Variants in PCDHA12 observed in about 807,000 individuals in gnomAD.
PCDHA12 encodes the protein protocadherin alpha 12.
Under a neutral mutation model 60.0 loss-of-function variants are expected in PCDHA12, and 44 were observed. The observed-to-expected ratio is 0.73, with a 90% CI of 0.58 to 0.94. The LOEUF is 0.94. PCDHA12 is among the 40% of genes least tolerant of loss of function. The pLI, the probability that PCDHA12 is intolerant of heterozygous loss-of-function variation, is 0.00. For synonymous variants in PCDHA12, 569 were observed against 553.0 expected (o/e 1.03, Z -0.40); for missense variants, 1,276 against 1,239.7 (o/e 1.03, Z -0.44).
chr5:140,909,719 C>T (rs2074652522), intron 1 of PCDHA12, among the ~76,000 whole-genome samples: 1 of 152,130 alleles, frequency 6.6e-6, no homozygotes, highest in Non-Finnish European at 1.5e-5. Flanking sequence ...ATACCTATGC[C>T]AATTATGCAT....
At chr5:140,968,141 A>G in intron 1 of PCDHA12, 1 of 1,614,110 alleles carries the variant, frequency 6.2e-7, no homozygotes, top group Non-Finnish European at 8.5e-7. Context: ...GAAGGTTGAG[A>G]TCTCTGACAT....
At chr5:141,009,439 G>A (rs187486568) in intron 3 of PCDHA12, among the ~76,000 whole-genome samples, 188 bp from the exon 4 acceptor site, 1 of 152,244 alleles carries the variant, frequency 6.6e-6, no homozygotes, top group East Asian at 1.9e-4. Context: ...GGGAAATCCT[G>A]TCTCAAAAAA....
chr5:140,882,668 C>T, intron 1 of PCDHA12: 1 of 1,614,138 alleles, frequency 6.2e-7, no homozygotes, highest in Non-Finnish European at 8.5e-7. Context: ...GCCCATATTC[C>T]CTGAAAGCAA....
chr5:140,898,284 T>C (rs2066636432), intron 1 of PCDHA12, among the ~76,000 whole-genome samples: 1 of 152,254 alleles, frequency 6.6e-6, no homozygotes, highest in South Asian at 2.1e-4. Flanking sequence ...TTCTGAATGG[T>C]AATGCCTAGG....
intron 1 of PCDHA12, chr5:140,928,813 C>T: frequency 6.2e-7 from 1 of 1,614,118 alleles, no homozygotes; most frequent in Non-Finnish European, 8.5e-7. Flanking sequence ...GGTTCGGGAC[C>T]ATGGAGACCC....
intron 1 of PCDHA12, among the ~76,000 whole-genome samples, chr5:140,957,344 G>A (rs994510401): frequency 5.9e-5 from 9 of 152,114 alleles, no homozygotes; most frequent in Non-Finnish European, 1.2e-4. Context: ...TATTTTGAGA[G>A]AGAGACCACA....
In PCDHA12 at chr5:140,877,374, A is replaced by C; in HGVS notation, c.1902A>C (p.Thr634=). ...VGLYTGEIST[T]RILDEADAPR... The stretch of plus-strand genomic sequence containing the variant: ...TGTACACTGGCGAGATCAGCACGAC[A>C]CGCATCCTGGATGAGGCGGACGCTC... The change falls in exon 1 of 4, where the codon ACA becomes ACC. Residue 634 remains threonine, a synonymous_variant. Coordinates refer to ENST00000398631, the MANE Select transcript of PCDHA12 (RefSeq NM_018903.4). 1 of 1,613,970 alleles carries C rather than the reference A, an allele frequency of 6.2e-7. No individual in the cohort carries two copies. The highest frequency in any genetic ancestry group is 8.5e-7 in the Non-Finnish European group (1 of 1,179,890).
intron 1 of PCDHA12, among the ~76,000 whole-genome samples, chr5:140,976,093 A>G (rs782314077): frequency 6.6e-6 from 1 of 152,238 alleles, no homozygotes; most frequent in African/African-American, 2.4e-5. Context: ...TCAGTAGTCA[A>G]CTTTTCAACT....
At chr5:141,006,745 T>C (rs1554260891) in intron 3 of PCDHA12, among the ~76,000 whole-genome samples, 1 of 152,144 alleles carries the variant, frequency 6.6e-6, no homozygotes, top group Non-Finnish European at 1.5e-5. Flanking sequence ...TGATGTATTA[T>C]AAATGGAGAA....
chr5:140,982,741 T>C (rs2097000256), intron 3 of PCDHA12, among the ~76,000 whole-genome samples, 178 bp downstream of exon 3: 1 of 152,164 alleles, frequency 6.6e-6, no homozygotes, highest in Admixed American at 6.6e-5. Flanking sequence ...TACCTAATGC[T>C]CTTCAGGAGT....
intron 1 of PCDHA12, among the ~76,000 whole-genome samples, chr5:140,903,237 T>G (rs1191816509): frequency 1.3e-5 from 2 of 152,194 alleles, no homozygotes; most frequent in Non-Finnish European, 2.9e-5. Flanking sequence ...ACTTTTTGAT[T>G]TTTAAATTAT....
In PCDHA12 at chr5:140,877,704, C is replaced by G; in HGVS notation, c.2232C>G (p.Ala744=). ...AGCCCACGCTGGTGTGCTCCAGCGC[C>G]GTGGGGAGTTGGTCTTACTCGCAGC... ...PGKPTLVCSS[A]VGSWSYSQQR... is the part of the protein sequence containing the mutation. The change falls in exon 1 of 4, where the codon GCC becomes GCG. Residue 744 remains alanine, a synonymous_variant. Coordinates refer to ENST00000398631, the MANE Select transcript of PCDHA12 (RefSeq NM_018903.4). 2 of 1,613,952 alleles carry G rather than the reference C, an allele frequency of 1.2e-6. No homozygotes were observed. Among genetic ancestry groups the G allele is most frequent in the South Asian group, 1.1e-5 (1 of 91,078 alleles).
chr5:140,979,130 A>C, intron 2 of PCDHA12, 123 bp downstream of exon 2: 1 of 1,473,242 alleles, frequency 6.8e-7, no homozygotes, highest in Admixed American at 2.7e-5. Flanking sequence ...TTTGCCAGGA[A>C]AATGCAATTA....
chr5:140,991,924 A>T (rs1028386420), intron 3 of PCDHA12, among the ~76,000 whole-genome samples: 1 of 152,140 alleles, frequency 6.6e-6, no homozygotes, highest in Non-Finnish European at 1.5e-5. Context: ...GTAACATAAC[A>T]TATTCACAAG....
chr5:140,882,213 T>C, intron 1 of PCDHA12: 2 of 1,538,576 alleles, frequency 1.3e-6, no homozygotes, highest in Non-Finnish European at 1.8e-6. Flanking sequence ...TGAGAGACAG[T>C]TTGAGGTAAG....
intron 1 of PCDHA12, among the ~76,000 whole-genome samples, chr5:140,946,635 A>G (rs2094003182): frequency 1.6e-5 from 1 of 62,812 alleles, no homozygotes; most frequent in Admixed American, 1.5e-4. Flanking sequence ...TATATATACA[A>G]TGGAATACTC....
At chr5:140,985,938 A>G (rs960910585) in intron 3 of PCDHA12, among the ~76,000 whole-genome samples, 8 of 151,748 alleles carry the variant, frequency 5.3e-5, no homozygotes, top group Non-Finnish European at 8.8e-5. Context: ...CCGGGGTTTC[A>G]CTGTGTTAGC....
At chr5:140,937,981 T>TA (rs1554211927) in intron 1 of PCDHA12, among the ~76,000 whole-genome samples, 2 of 152,254 alleles carry the variant, frequency 1.3e-5, no homozygotes, top group Non-Finnish European at 2.9e-5. Flanking sequence ...ATACTGATTT[T>TA]ATGTTAACTT....
At chr5:140,927,165 T>A in intron 1 of PCDHA12, 1 of 1,614,164 alleles carries the variant, frequency 6.2e-7, no homozygotes, top group Non-Finnish European at 8.5e-7. Context: ...GGGCCAAAGC[T>A]GCCTGCGTCT....
Sources: allele counts gnomAD v4.1 joint callset (sites outside exome capture counted in the v4.1 genomes callset), GRCh38; gene constraint gnomAD v4.1.1; transcripts MANE v1.5; gene names NCBI Gene and HGNC (gene_info 2026-07-23, HGNC 2026-07-21).